Variants in GYS2 observed in about 807,000 individuals in gnomAD.
The protein encoded by GYS2 is glycogen synthase 2.
A neutral mutation model predicts 85.6 loss-of-function variants in GYS2; 80 were observed. That is an observed-to-expected ratio of 0.93 (90% confidence interval 0.78 to 1.13). The LOEUF is 1.13. GYS2 is among the 50% of genes most tolerant of loss of function. The pLI, the probability that GYS2 is intolerant of heterozygous loss-of-function variation, is 0.00. For missense variants in GYS2, 881 were observed against 854.9 expected (o/e 1.03, Z -0.38); for synonymous variants, 328 against 300.7 (o/e 1.09, Z -0.94).
At chr12:21,541,298 A>AAAAC (rs1943973457) in intron 13 of GYS2, among the ~76,000 whole-genome samples, 1 of 148,276 alleles carries the variant, frequency 6.7e-6, no homozygotes, top group Non-Finnish European at 1.5e-5. Flanking sequence ...AAAACAAAAA[A>AAAAC]CCCAGGGAAA....
intron 13 of GYS2, among the ~76,000 whole-genome samples, chr12:21,541,296 A>AAAAAAAAAAAAAG (rs1400941161): frequency 6.7e-6 from 1 of 150,130 alleles, no homozygotes; most frequent in Admixed American, 6.7e-5. Context: ...AAAAAACAAA[A>AAAAAAAAAAAAAG]AACCCAGGGA....
chr12:21,568,734 T>C (rs889177784), intron 5 of GYS2, 131 bp downstream of exon 5: 2 of 795,948 alleles, frequency 2.5e-6, no homozygotes, highest in South Asian at 1.4e-5. Flanking sequence ...AGAATTAAAA[T>C]ACATAAAAAG....
intron 1 of GYS2, among the ~76,000 whole-genome samples, chr12:21,583,247 C>T (rs981605678): frequency 6.6e-6 from 1 of 152,126 alleles, no homozygotes; most frequent in African/African-American, 2.4e-5. Flanking sequence ...GACCTTCTAC[C>T]TCAGTAAAAT....
At chr12:21,581,857 G>T (rs1591804364) in intron 1 of GYS2, among the ~76,000 whole-genome samples, 1 of 152,294 alleles carries the variant, frequency 6.6e-6, no homozygotes, top group African/African-American at 2.4e-5. Flanking sequence ...ATTAGCTCAT[G>T]TGTCAAATGG....
chr12:21,575,763 C>A, intron 3 of GYS2, 103 bp downstream of exon 3: 1 of 874,994 alleles, frequency 1.1e-6, no homozygotes, highest in Non-Finnish European at 1.9e-6. Flanking sequence ...GCCATAATGG[C>A]ATCATCTCAA....
At chr12:21,553,549 G>A (rs193010465) in intron 11 of GYS2, among the ~76,000 whole-genome samples, 2 of 152,240 alleles carry the variant, frequency 1.3e-5, no homozygotes, top group East Asian at 3.9e-4. Flanking sequence ...TGCCCAACAG[G>A]TGCCTTTAAT....
chr12:21,564,140 A>C (rs546602354), intron 5 of GYS2, among the ~76,000 whole-genome samples: 1 of 152,364 alleles, frequency 6.6e-6, no homozygotes, highest in Admixed American at 6.5e-5. Flanking sequence ...TATCAGATTT[A>C]GCAGCATAAA....
In GYS2 at chr12:21,558,263, G is replaced by T; in HGVS notation, c.1359C>A (p.Thr453=). ...VTTHNMIDDS[T]DPILSTIRRI... is the part of the protein sequence containing the mutation. ...GTCTAATGGTGCTGAGGATGGGGTC[G>T]GTGGAGTCATCAATCATGTTGTGCG... is the stretch of plus-strand genomic sequence containing the variant. Residue 453 remains threonine (T), a synonymous_variant, in exon 11 of 16, where the codon ACC becomes ACA. Transcript: ENST00000261195. 4 of 1,613,906 alleles carry T rather than the reference G, an allele frequency of 2.5e-6. No individual in the cohort carries two copies. The highest frequency in any genetic ancestry group is 3.4e-6 in the Non-Finnish European group (4 of 1,179,816).
intron 11 of GYS2, among the ~76,000 whole-genome samples, chr12:21,547,098 T>G (rs1363790879): frequency 1.3e-5 from 2 of 152,232 alleles, no homozygotes; most frequent in African/African-American, 4.8e-5. Flanking sequence ...TTTAAAAATG[T>G]CAGTCATTCC....
Position 21,577,099 on chromosome 12 carries a change from G to C in GYS2, c.304-1042C>G, listed in dbSNP as rs535067844. On this transcript the variant is annotated intron_variant, in intron 2 of 15. Transcript: ENST00000261195. ...GTGTGGGGATGCTTCTCACCCATCT[G>C]TTCCTTGGTCAACCTTGAAAGACCC... Among the ~76,000 whole-genome samples, 8 of 152,230 alleles carry C rather than the reference G, an allele frequency of 5.3e-5. No individual in the cohort carries two copies. In the South Asian group the frequency reaches 1.7e-3, roughly 32 times the overall value.
chr12:21,593,522 A>G (rs1944662811), intron 1 of GYS2, among the ~76,000 whole-genome samples: 1 of 152,024 alleles, frequency 6.6e-6, no homozygotes, highest in African/African-American at 2.4e-5. Context: ...TCTAGAGGAA[A>G]TTAATAAATT....
At chr12:21,598,443 T>C (rs1374033086) in intron 1 of GYS2, among the ~76,000 whole-genome samples, 2 of 152,132 alleles carry the variant, frequency 1.3e-5, no homozygotes, top group East Asian at 3.9e-4. Flanking sequence ...CTTCTTTTAC[T>C]GCTATTTCTT....
chr12:21,585,509 A>G (rs901165695), intron 1 of GYS2, among the ~76,000 whole-genome samples: 13 of 151,638 alleles, frequency 8.6e-5, no homozygotes, highest in South Asian at 4.2e-4. Context: ...GGAAACTACT[A>G]CAGGCCATTC....
chr12:21,566,628 T>C (rs1406735970), intron 5 of GYS2, among the ~76,000 whole-genome samples: 2 of 152,226 alleles, frequency 1.3e-5, no homozygotes, highest in African/African-American at 4.8e-5. Context: ...CGATATTTTC[T>C]AAATCTTTAC....
intron 11 of GYS2, among the ~76,000 whole-genome samples, chr12:21,548,117 G>A (rs900755301): frequency 2.6e-5 from 4 of 152,050 alleles, no homozygotes; most frequent in African/African-American, 4.8e-5. Context: ...TAGAAGGAGC[G>A]GAAATAACAG....
chr12:21,580,961 G>C (rs1944503192), intron 1 of GYS2, among the ~76,000 whole-genome samples: 1 of 152,140 alleles, frequency 6.6e-6, no homozygotes, highest in Non-Finnish European at 1.5e-5. Flanking sequence ...GGTCCAGAAG[G>C]GGCTCAGGTA....
intron 2 of GYS2, among the ~76,000 whole-genome samples, chr12:21,579,213 T>A (rs7977413): frequency 0.97 from 148,012 of 152,282 alleles, 72,080 homozygotes; most frequent in East Asian, 1. Context: ...AAATTACCAA[T>A]AGCCTAGTGG....
chr12:21,542,633 C>CATACAAGGATATAGGCG, intron 12 of GYS2, 42 bp from the exon 13 acceptor site: 1 of 1,343,062 alleles, frequency 7.4e-7, no homozygotes, highest in Non-Finnish European at 1.1e-6. Flanking sequence ...CAGACCAGCG[C>CATACAAGGATATAGGCG]CTATATCCTT....
In GYS2 at chr12:21,546,457, G is replaced by T. The variant is rs121918420; in HGVS notation, c.1436C>A (p.Pro479Gln). The change falls in exon 12 of 16, where the codon CCA becomes CAA. Residue 479 changes from proline (P) to glutamine (Q), a missense_variant. Coordinates refer to ENST00000261195, the MANE Select transcript of GYS2 (RefSeq NM_021957.4). The stretch of plus-strand genomic sequence containing the variant: ...GGGACTGGTGGAGGATAGAAACTCT[G>T]GGTGCAAAATCACCTAAAAAAGGAA... Reference protein sequence around the residue: ...RTDRVKVILHPEFLSSTSPLL... With the variant: ...RTDRVKVILHQEFLSSTSPLL... The T allele has an allele frequency of 8.8e-5, 140 of 1,599,262 alleles. No individual in the cohort carries two copies. Among genetic ancestry groups the T allele is most frequent in the Non-Finnish European group, 1.0e-4 (121 of 1,169,118 alleles).
Sources: allele counts gnomAD v4.1 joint callset (sites outside exome capture counted in the v4.1 genomes callset), GRCh38; gene constraint gnomAD v4.1.1; transcripts MANE v1.5; gene names NCBI Gene and HGNC (gene_info 2026-07-23, HGNC 2026-07-21).